The following NBEAL1 variants were observed in gnomAD, a reference collection of about 807,000 sequenced individuals.
The protein encoded by NBEAL1 is neurobeachin like 1.
A neutral mutation model predicts 351.3 loss-of-function variants in NBEAL1; 273 were observed. The ratio of observed to expected loss-of-function variants is 0.78; its 90% confidence interval spans 0.70 to 0.86. The LOEUF (loss-of-function observed/expected upper bound fraction) is 0.86. Ranked by LOEUF, NBEAL1 falls within the 40% of genes least tolerant of loss-of-function variation. NBEAL1 has a pLI of 0.00. For missense variants in NBEAL1, 2,961 were observed against 3,201.3 expected (o/e 0.92, Z 1.81); for synonymous variants, 1,050 against 1,086.4 (o/e 0.97, Z 0.66).
chr2:203,035,249 A>G lies in NBEAL1; in HGVS notation c.52-6516A>G, dbSNP rs1406944731. Among the ~76,000 whole-genome samples, 4 of 149,226 alleles carry G rather than the reference A, an allele frequency of 2.7e-5. No homozygotes were observed. In the Admixed American group the frequency reaches 2.7e-4, roughly 10 times the overall value. ...CCCCATATTGTATAGCACAGCTCTA[A>G]GTTAAGTGTTCAGACTTCATCCTTT... On this transcript the variant is annotated intron_variant, in intron 2 of 55. Transcript: ENST00000683969.
intron 10 of NBEAL1, among the ~76,000 whole-genome samples, chr2:203,093,255 A>G (rs1266179991): frequency 6.7e-6 from 1 of 150,304 alleles, no homozygotes; most frequent in African/African-American, 2.4e-5. Context: ...AAAAAAAAAA[A>G]AAAGAATCTG....
chr2:203,191,800 CTGAA>C (rs2065097553), intron 46 of NBEAL1, among the ~76,000 whole-genome samples: 1 of 152,298 alleles, frequency 6.6e-6, no homozygotes, highest in East Asian at 1.9e-4. Context: ...CATGTTTCCT[CTGAA>C]TGAGTAGTTG....
At chr2:203,135,592 AT>A (rs2063181787) in intron 27 of NBEAL1, 84 bp from the exon 28 acceptor site, 2 of 801,312 alleles carry the variant, frequency 2.5e-6, no homozygotes, top group African/African-American at 3.5e-5. Flanking sequence ...AAATTACCTT[AT>A]CATTAAAATA....
intron 14 of NBEAL1, among the ~76,000 whole-genome samples, chr2:203,108,697 C>T (rs947898436): frequency 6.6e-6 from 1 of 152,088 alleles, no homozygotes; most frequent in Admixed American, 6.6e-5. Context: ...GCCACCGCAC[C>T]CAGCCACAAG....
rs1357454396 is a variant in NBEAL1 at position 203,113,069 on chromosome 2, C to T, written c.2257C>T (p.Pro753Ser). ...TGGGCAAAGAACCACCACTCCTCCA[C>T]CATCCCAAATCCCAGATCCACCTTT... ...SAGQRTTTPPPSQIPDPPFSS... is the reference protein window; with the variant it reads ...SAGQRTTTPPSSQIPDPPFSS... The change falls in exon 17 of 56, where the codon CCA becomes TCA. Residue 753 changes from proline (P) to serine (S), a missense_variant. Transcript: ENST00000683969. The T allele has an allele frequency of 6.5e-7, 1 of 1,546,646 alleles. No homozygotes were observed. The highest frequency in any genetic ancestry group is 1.2e-5 in the South Asian group (1 of 82,912).
At chr2:203,100,086 C>G (rs947047610) in intron 12 of NBEAL1, among the ~76,000 whole-genome samples, 1 of 152,136 alleles carries the variant, frequency 6.6e-6, no homozygotes, top group Non-Finnish European at 1.5e-5. Flanking sequence ...ATATGATCTC[C>G]TTTGTTTTTA....
At chr2:203,090,433 T>C (rs1368032583) in intron 10 of NBEAL1, among the ~76,000 whole-genome samples, 1 of 152,164 alleles carries the variant, frequency 6.6e-6, no homozygotes, top group Non-Finnish European at 1.5e-5. Flanking sequence ...CACTTACAAC[T>C]GAGAGCATCC....
At chr2:203,093,705 T>A (rs1574959090) in intron 10 of NBEAL1, among the ~76,000 whole-genome samples, 1 of 151,926 alleles carries the variant, frequency 6.6e-6, no homozygotes, top group East Asian at 1.9e-4. Context: ...AATACAAAAA[T>A]TAGCTGGGCA....
intron 34 of NBEAL1, among the ~76,000 whole-genome samples, chr2:203,149,689 A>G (rs577154040): frequency 6.6e-6 from 1 of 152,256 alleles, no homozygotes; most frequent in East Asian, 1.9e-4. Flanking sequence ...TTTATCACCT[A>G]AAAAGGAAAT....
intron 6 of NBEAL1, 21 bp downstream of exon 6, chr2:203,057,474 C>A (rs973308174): frequency 7.8e-6 from 12 of 1,529,578 alleles, no homozygotes; most frequent in Non-Finnish European, 1.1e-5. Flanking sequence ...TAAATAATAA[C>A]GTTCATTTAA....
At position 203,080,370 on chromosome 2, in the gene NBEAL1, C is replaced by G. The variant is rs185582401; in HGVS notation, c.684+2533C>G. Among the ~76,000 whole-genome samples, 22 of 152,244 alleles carry G rather than the reference C, an allele frequency of 1.4e-4. No individual in the cohort carries two copies. The East Asian group carries it at 3.3e-3, about 23-fold the overall frequency. On this transcript the variant is annotated intron_variant, in intron 8 of 55. Coordinates refer to ENST00000683969, the MANE Select transcript of NBEAL1 (RefSeq NM_001378026.1). ...GAGCTTGCAGTGAGCCGAGATCGCA[C>G]CACTGCACTCCAGCCTGGGCAACAG...
At chr2:203,162,197 G>T (rs528032784) in intron 36 of NBEAL1, among the ~76,000 whole-genome samples, 18 of 151,366 alleles carry the variant, frequency 1.2e-4, no homozygotes, top group African/African-American at 4.4e-4. Context: ...CTAATTTTTT[G>T]TATTTTTTGT....
intron 10 of NBEAL1, chr2:203,085,637 C>G (rs1036989618): frequency 1.3e-5 from 2 of 152,118 alleles, no homozygotes; most frequent in Non-Finnish European, 2.9e-5. Context: ...CCATTCTTCT[C>G]TCCAAATATG....
In NBEAL1 at chr2:203,116,031, C is replaced by T. The variant is rs895816524; in HGVS notation, c.2553C>T (p.Ala851=). Residue 851 remains alanine, a synonymous_variant, in exon 18 of 56, where the codon GCC becomes GCT. Transcript: ENST00000683969. ...SPWKCQESDM[A]DLPGNILLYY... is the part of the protein sequence containing the mutation. The stretch of plus-strand genomic sequence containing the variant: ...GGAAGTGTCAAGAGTCTGACATGGC[C>T]GACCTGCCTGGTAACATCCTTCTTT... 14 of 1,553,476 alleles carry T rather than the reference C, an allele frequency of 9.0e-6. No homozygotes were observed. Among genetic ancestry groups the T allele is most frequent in the African/African-American group, 1.4e-5 (1 of 73,372 alleles).
At chr2:203,069,978 A>G (rs1000143143) in intron 7 of NBEAL1, among the ~76,000 whole-genome samples, 18 of 151,982 alleles carry the variant, frequency 1.2e-4, no homozygotes, top group African/African-American at 4.4e-4. Flanking sequence ...TTTAAATTGT[A>G]TTTTTCATTT....
In NBEAL1 at chr2:203,050,801, T is replaced by C. The variant is rs374147535; in HGVS notation, c.305+826T>C. Among the ~76,000 whole-genome samples, 18 of 152,340 alleles carry C rather than the reference T, an allele frequency of 1.2e-4. 2 individuals are homozygous for C. Among genetic ancestry groups the C allele is most frequent in the Admixed American group, 6.5e-4 (10 of 15,304 alleles). ...TCTGGATTTTTCAGGCATTCCACATTCATCTACATGTAAGAATTCAAGAAC... is the reference window on the plus strand; with the variant it reads ...TCTGGATTTTTCAGGCATTCCACATCCATCTACATGTAAGAATTCAAGAAC... On this transcript the variant is annotated intron_variant, in intron 4 of 55. Transcript: ENST00000683969.
At position 203,062,863 on chromosome 2, in the gene NBEAL1, A is replaced by G. The variant is rs1193300745; in HGVS notation, c.515+5410A>G. On this transcript the variant is annotated intron_variant, in intron 6 of 55. Transcript: ENST00000683969. This position sits in a 1 kb window ranked among gnomAD's most constrained non-coding sequence, Gnocchi z 4.2. ...GAAATCCATTGCTCATGGAAGACCTATACAAAGGGATCTACAGCAATAATT... is the reference window on the plus strand; with the variant it reads ...GAAATCCATTGCTCATGGAAGACCTGTACAAAGGGATCTACAGCAATAATT... Among the ~76,000 whole-genome samples, 3 of 152,216 alleles carry G rather than the reference A, an allele frequency of 2.0e-5. No individual in the cohort carries two copies. Among genetic ancestry groups the G allele is most frequent in the Admixed American group, 1.3e-4 (2 of 15,286 alleles).
In NBEAL1 at chr2:203,016,388, G is replaced by A; in HGVS notation, c.4G>A (p.Ala2Thr). The A allele has an allele frequency of 6.7e-7, 1 of 1,485,156 alleles. No homozygotes were observed. The highest frequency in any genetic ancestry group is 9.1e-7 in the Non-Finnish European group (1 of 1,101,048). The allele number at this position is 1,485,156 out of a possible 1,614,324, so 92.0% of individuals were successfully genotyped here. A position where few individuals can be genotyped will look rare whatever the true frequency, so the allele number is the denominator to read the frequency against. Residue 2 changes from alanine (A) to threonine (T), a missense_variant, in exon 2 of 56, where the codon GCA becomes ACA. Physicochemically the swap from Ala to Thr is moderately conservative, Grantham distance 58. Coordinates refer to ENST00000683969, the MANE Select transcript of NBEAL1 (RefSeq NM_001378026.1). The stretch of plus-strand genomic sequence containing the variant: ...AAGTGCCAGAGTGAAAGCCAGAATG[G>A]CATCCAGAGAGAGGCTCTTTGAACT... Reference protein sequence around the residue: MASRERLFELWM... With the variant: MTSRERLFELWM...
intron 2 of NBEAL1, chr2:203,040,968 G>C: frequency 3.5e-6 from 1 of 282,024 alleles, no homozygotes; most frequent in South Asian, 4.0e-5. Flanking sequence ...TTATCATCAG[G>C]TATCTTCAGA....
Sources: gnomAD v4.1 joint callset for allele counts (sites outside exome capture counted in the v4.1 genomes callset) on GRCh38, gnomAD v4.1.1 for gene constraint, Gnocchi (gnomAD v3.1) non-coding constraint, MANE v1.5 for transcripts, NCBI Gene and HGNC (gene_info 2026-07-23, HGNC 2026-07-21) for gene names.